The following DLGAP3 variants were observed in gnomAD, a reference collection of about 807,000 sequenced individuals.
DLGAP3 encodes DLG associated protein 3, also known as disks large-associated protein 3.
In DLGAP3, 17 loss-of-function variants were observed where a neutral mutation model predicts 81.2. The observed-to-expected ratio is 0.21, with a 90% CI of 0.14 to 0.31. DLGAP3 has a LOEUF of 0.31. Ranked by LOEUF, DLGAP3 falls within the 10% of genes least tolerant of loss-of-function variation. The pLI is 1.00. For missense variants in DLGAP3, 1,124 were observed against 1,388.0 expected (o/e 0.81, Z 3.02); for synonymous variants, 577 against 587.4 (o/e 0.98, Z 0.26).
intron 8 of DLGAP3, among the ~76,000 whole-genome samples, chr1:34,875,986 G>A (rs996538687): frequency 4.6e-5 from 7 of 152,238 alleles, no homozygotes; most frequent in East Asian, 3.8e-4. Context: ...TGTGGCAGCC[G>A]GCACAGCGGC....
intron 1 of DLGAP3, among the ~76,000 whole-genome samples, chr1:34,911,030 C>CCA (rs1553124130): frequency 1.3e-5 from 2 of 150,756 alleles, no homozygotes; most frequent in African/African-American, 4.9e-5. Flanking sequence ...CCACCCCCCC[C>CCA]CCACCACCTT....
Position 34,885,037 on chromosome 1 carries a change from G to T in DLGAP3, c.1941C>A (p.Thr647=). 1 of 1,613,512 alleles carries T rather than the reference G, an allele frequency of 6.2e-7. No homozygotes were observed. The highest frequency in any genetic ancestry group is 1.1e-5 in the South Asian group (1 of 91,056). ...GGAACTCCCTCCGGCTCCTGTTCTC[G>T]GTGTCCGAATCTGAGATCGTCTCCA... ...VQVETISDSD[T]ENRSRREFHS... is the part of the protein sequence containing the mutation. The change falls in exon 8 of 12, where the codon ACC becomes ACA. Residue 647 remains threonine (T), a synonymous_variant. Transcript: ENST00000373347.
At position 34,895,692 on chromosome 1, in the gene DLGAP3, C is replaced by T. The variant is rs376506919; in HGVS notation, c.1386+3977G>A. 1.3e-5 allele frequency among the ~76,000 whole-genome samples: 2 copies of T among 152,042 alleles called. No homozygotes were observed. Among genetic ancestry groups the T allele is most frequent in the African/African-American group, 2.4e-5 (1 of 41,382 alleles). ...AAAATCAATCCTTACCACACAGTTA[C>T]AGCAATCAAAGCATGTGGTAATAGC... On this transcript the variant is annotated intron_variant, in intron 5 of 11. Coordinates refer to ENST00000373347, the MANE Select transcript of DLGAP3 (RefSeq NM_001080418.3). The surrounding 1 kb of genome is among the most constrained non-coding windows in gnomAD (Gnocchi z 4.5).
At chr1:34,872,677 G>A (rs935633746) in intron 8 of DLGAP3, among the ~76,000 whole-genome samples, 2 of 152,182 alleles carry the variant, frequency 1.3e-5, no homozygotes, top group African/African-American at 2.4e-5. Flanking sequence ...GAAAGAGGGA[G>A]GAAGAAGAGT....
chr1:34,927,002 G>A lies in DLGAP3; in HGVS notation c.-135+2449C>T, dbSNP rs1639882517. Among the ~76,000 whole-genome samples, 3 of 152,158 alleles carry A rather than the reference G, an allele frequency of 2.0e-5. No individual in the cohort carries two copies. The South Asian group carries it at 6.2e-4, about 32-fold the overall frequency. ...AAGAGATGATGTTAGGTGTCAGGCA[G>A]CCGCTGAAAGCAGGTACTAACATGA... On this transcript the variant is annotated intron_variant, in intron 1 of 11. Coordinates refer to ENST00000373347, the MANE Select transcript of DLGAP3 (RefSeq NM_001080418.3).
Position 34,905,193 on chromosome 1 carries a change from C to A in DLGAP3, c.191G>T (p.Ser64Ile). The A allele has an allele frequency of 6.3e-7, 1 of 1,586,604 alleles. No individual in the cohort carries two copies. Among genetic ancestry groups the A allele is most frequent in the Non-Finnish European group, 8.6e-7 (1 of 1,166,602 alleles). ...GCCTACCGACGGCCCCTCACTCAGGCTCAGGGGCCCTTCAGGAGAAATGTG... is the reference window on the plus strand; with the variant it reads ...GCCTACCGACGGCCCCTCACTCAGGATCAGGGGCCCTTCAGGAGAAATGTG... ...LGHISPEGPL[S>I]LSEGPSVGPE... Residue 64 changes from serine (S) to isoleucine (I), a missense_variant, in exon 3 of 12, where the codon AGC becomes ATC. Around this residue, in one of 9 missense-constraint regions of DLGAP3, gnomAD observed 167 missense variants for 172.1 expected, o/e 0.97. Transcript: ENST00000373347.
In DLGAP3 at chr1:34,867,749, T is replaced by TCCAGCC. The variant is rs951631190; in HGVS notation, c.2486-128_2486-123dup. 8 of 792,488 alleles carry TCCAGCC rather than the reference T, an allele frequency of 1.0e-5. No homozygotes were observed. In the African/African-American group the frequency reaches 1.2e-4, roughly 12 times the overall value. 49.1% of individuals were successfully genotyped at this position (792,488 alleles called of 1,614,324 possible). On this transcript the variant is annotated intron_variant, in intron 9 of 11. Transcript: ENST00000373347. The surrounding 1 kb of genome is among the most constrained non-coding windows in gnomAD (Gnocchi z 4.3). The stretch of plus-strand genomic sequence containing the variant: ...TGGCACTGTGTATCCATCAGTCTCC[T>TCCAGCC]CCAGCCCCAGCCCCATCCCATCCTC...
intron 1 of DLGAP3, among the ~76,000 whole-genome samples, chr1:34,921,180 C>T (rs995292489): frequency 1.3e-5 from 2 of 152,270 alleles, no homozygotes; most frequent in African/African-American, 2.4e-5. Context: ...GTAGCACTCA[C>T]GTTGCTCAGG....
chr1:34,888,049 TGAAGTCATGGATAAGGTCCTC>T lies in DLGAP3; in HGVS notation c.1387-1785_1387-1765del, dbSNP rs372377535. On this transcript the variant is annotated intron_variant, in intron 5 of 11. Transcript: ENST00000373347. Reference sequence around the variant, plus strand: ...GGATGATTATGTAGAGTCCATTGGATGAAGTCATGGATAAGGTCCTCGACAGCATCCCATGGCAAACATAAC... The same window carrying T: ...GGATGATTATGTAGAGTCCATTGGATGACAGCATCCCATGGCAAACATAAC... 3.1e-3 allele frequency among the ~76,000 whole-genome samples: 477 copies of T among 152,268 alleles called. 1 individual carries two copies. The highest frequency in any genetic ancestry group is 0.011 in the African/African-American group (453 of 41,546).
At chr1:34,866,442 G>A (rs772340264) in intron 11 of DLGAP3, 141 bp from the exon 12 acceptor site, 1 of 692,166 alleles carries the variant, frequency 1.4e-6, no homozygotes, top group Non-Finnish European at 2.4e-6. Context: ...CACGGATCCC[G>A]TGACCTGAAG....
At chr1:34,906,819 A>C (rs544988595) in intron 2 of DLGAP3, among the ~76,000 whole-genome samples, 5 of 152,340 alleles carry the variant, frequency 3.3e-5, no homozygotes. Flanking sequence ...AGACTTGCCA[A>C]GGCTACAGGA....
chr1:34,900,930 T>A lies in DLGAP3; in HGVS notation c.1108-657A>T, dbSNP rs141167768. On this transcript the variant is annotated intron_variant, in intron 3 of 11. Coordinates refer to ENST00000373347, the MANE Select transcript of DLGAP3 (RefSeq NM_001080418.3). This position sits in a 1 kb window ranked among gnomAD's most constrained non-coding sequence, Gnocchi z 5.6. ...AATGAGAGGTGTTAAGGAGCATCAGTGAGCCTGATTAGACGTGGGGGATGA... is the reference window on the plus strand; with the variant it reads ...AATGAGAGGTGTTAAGGAGCATCAGAGAGCCTGATTAGACGTGGGGGATGA... Among the ~76,000 whole-genome samples, 121 of 151,014 alleles carry A rather than the reference T, an allele frequency of 8.0e-4. No homozygotes were observed. Among genetic ancestry groups the A allele is most frequent in the African/African-American group, 2.8e-3 (116 of 41,032 alleles).
intron 3 of DLGAP3, among the ~76,000 whole-genome samples, chr1:34,901,521 C>T (rs1039967552): frequency 1.3e-5 from 2 of 152,336 alleles, no homozygotes; most frequent in African/African-American, 2.4e-5. Flanking sequence ...ACAGATTAAC[C>T]TCTAAGTGTC....
Position 34,868,781 on chromosome 1 carries a change from C to G in DLGAP3, c.2309G>C (p.Arg770Pro). The part of the protein sequence containing the change: ...PAPTPGPGAG[R>P]RDSWIERGSR... ...ACCGCGCTCTATCCAGGAGTCACGG[C>G]GGCCGGCCCCAGGGCCGGGGGTGGG... is the stretch of plus-strand genomic sequence containing the variant. The change falls in exon 9 of 12, where the codon CGC becomes CCC. Residue 770 changes from arginine (R) to proline (P), a missense_variant. By Grantham distance (103) the Arg-to-Pro change is moderately radical (BLOSUM62 -2). Around this residue, in one of 9 missense-constraint regions of DLGAP3, gnomAD observed 379 missense variants for 455.7 expected, o/e 0.83. Transcript: ENST00000373347. The surrounding 1 kb of genome is among the most constrained non-coding windows in gnomAD (Gnocchi z 7.5). 3.8e-6 allele frequency: 6 copies of G among 1,589,656 alleles called. No individual in the cohort carries two copies. Among genetic ancestry groups the G allele is most frequent in the Non-Finnish European group, 5.1e-6 (6 of 1,171,490 alleles).
chr1:34,920,288 CCA>C (rs1639777889), intron 1 of DLGAP3, among the ~76,000 whole-genome samples: 1 of 152,174 alleles, frequency 6.6e-6, no homozygotes, highest in Non-Finnish European at 1.5e-5. Context: ...CAGGGTGGAA[CCA>C]CAGAGACCCC....
In DLGAP3 at chr1:34,865,881, G is replaced by C; in HGVS notation, c.*202C>G. 1.5e-6 allele frequency: 1 copy of C among 669,368 alleles called. No individual in the cohort carries two copies. The highest frequency in any genetic ancestry group is 2.9e-5 in the East Asian group (1 of 34,866). 41.5% of individuals were successfully genotyped at this position (669,368 alleles called of 1,614,324 possible). A position where few individuals can be genotyped will look rare whatever the true frequency, so the allele number is the denominator to read the frequency against. ...GAGGGGCGCAGGGCGGAGAGGCACG[G>C]CCCCCTGCCCAGCCCGGGCGCCTTC... On this transcript the variant is annotated 3_prime_UTR_variant, in exon 12 of 12. Transcript: ENST00000373347.
In DLGAP3 at chr1:34,895,917, TACACACACACACACAC is replaced by T. The variant is rs34456104; in HGVS notation, c.1386+3736_1386+3751del. 5.5e-5 allele frequency among the ~76,000 whole-genome samples: 8 copies of T among 144,522 alleles called. No homozygotes were observed. The highest frequency in any genetic ancestry group is 9.1e-5 in the Non-Finnish European group (6 of 65,852). 94.8% of individuals were successfully genotyped at this position (144,522 alleles called of 152,430 possible). A position where few individuals can be genotyped will look rare whatever the true frequency, so the allele number is the denominator to read the frequency against. On this transcript the variant is annotated intron_variant, in intron 5 of 11. Coordinates refer to ENST00000373347, the MANE Select transcript of DLGAP3 (RefSeq NM_001080418.3). The surrounding 1 kb of genome is among the most constrained non-coding windows in gnomAD (Gnocchi z 4.5). The stretch of plus-strand genomic sequence containing the variant: ...CTGGACCCCTAACTTGAATCACACA[TACACACACACACACAC>T]ACACACACACACACACACACACTAC...
At chr1:34,871,333 C>G (rs1311764809) in intron 8 of DLGAP3, among the ~76,000 whole-genome samples, 2 of 152,220 alleles carry the variant, frequency 1.3e-5, no homozygotes, top group African/African-American at 4.8e-5. Flanking sequence ...ACTCCTCTGC[C>G]TGAAATGGCC....
chr1:34,890,586 G>A (rs1639296400), intron 5 of DLGAP3, among the ~76,000 whole-genome samples: 1 of 152,204 alleles, frequency 6.6e-6, no homozygotes, highest in Non-Finnish European at 1.5e-5. Context: ...TTGCTCTGGG[G>A]GAGGCAAGCT....
Sources: allele counts gnomAD v4.1 joint callset (sites outside exome capture counted in the v4.1 genomes callset), GRCh38; gene constraint gnomAD v4.1.1; regional missense constraint gnomAD v4.1.1; non-coding constraint Gnocchi (gnomAD v3.1); transcripts MANE v1.5; gene names NCBI Gene and HGNC (gene_info 2026-07-23, HGNC 2026-07-21).